The following CIT variants were observed in gnomAD, a reference collection of about 807,000 sequenced individuals.
CIT encodes the protein citron Rho-interacting kinase.
A neutral mutation model predicts 272.7 loss-of-function variants in CIT; 79 were observed. The observed-to-expected ratio is 0.29, with a 90% CI of 0.24 to 0.35. CIT has a LOEUF of 0.35. CIT is among the 10% of genes least tolerant of loss of function. CIT has a pLI of 1.00. For synonymous variants in CIT, 948 were observed against 995.6 expected, an observed-to-expected ratio of 0.95 and a Z score of 0.90; for missense variants, 1,909 against 2,618.3, an observed-to-expected ratio of 0.73 and a Z score of 5.91.
intron 21 of CIT, 59 bp downstream of exon 21, chr12:119,758,532 G>A: frequency 9.4e-7 from 1 of 1,058,876 alleles, no homozygotes; most frequent in Non-Finnish European, 1.5e-6. Context: ...GGGAGTTTAT[G>A]CCACAGGAGA....
At chr12:119,808,927 T>C (rs771310064) in intron 9 of CIT, among the ~76,000 whole-genome samples, 6 of 152,146 alleles carry the variant, frequency 3.9e-5, no homozygotes, top group Non-Finnish European at 8.8e-5. Flanking sequence ...GAGGAGAATA[T>C]GTGTGTTGTT....
Position 119,758,823 on chromosome 12 carries a change from A to G in CIT, c.2422-123T>C, listed in dbSNP as rs1180682014. ...TTGGCTAGAGGTAACAAGGCACTCA[A>G]CTAGTCTGTACTCTGAGGATCACAG... On this transcript the variant is annotated intron_variant, in intron 20 of 47. Transcript: ENST00000392521. 3 of 692,454 alleles carry G rather than the reference A, an allele frequency of 4.3e-6. No homozygotes were observed. The African/African-American group carries it at 5.3e-5, about 12-fold the overall frequency. The allele number at this position is 692,454 out of a possible 1,614,324, so 42.9% of individuals were successfully genotyped here.
At chr12:119,691,865 G>A (rs1955969776) in intron 46 of CIT, among the ~76,000 whole-genome samples, 1 of 152,100 alleles carries the variant, frequency 6.6e-6, no homozygotes, top group Non-Finnish European at 1.5e-5. Flanking sequence ...ATTTGTGCTT[G>A]GAAAAGGCCC....
At chr12:119,847,815 C>T (rs1969925317) in intron 5 of CIT, among the ~76,000 whole-genome samples, 1 of 152,138 alleles carries the variant, frequency 6.6e-6, no homozygotes, top group Admixed American at 6.5e-5. Context: ...CGCTTGAACC[C>T]AGGAGGTGGA....
intron 5 of CIT, among the ~76,000 whole-genome samples, chr12:119,845,802 G>A (rs1466167176): frequency 2.6e-5 from 4 of 150,978 alleles, no homozygotes; most frequent in Non-Finnish European, 3.0e-5. Context: ...ATACAAAAAT[G>A]AGCCGGGCGT....
At chr12:119,809,590 C>T (rs1281779499) in intron 9 of CIT, among the ~76,000 whole-genome samples, 2 of 152,200 alleles carry the variant, frequency 1.3e-5, no homozygotes, top group Non-Finnish European at 2.9e-5. Flanking sequence ...CTCCTCCAGC[C>T]CTCCTTTCAT....
intron 44 of CIT, 132 bp from the exon 45 acceptor site, chr12:119,698,186 A>G (rs973806747): frequency 1.3e-6 from 1 of 766,842 alleles, no homozygotes; most frequent in Admixed American, 2.0e-5. Flanking sequence ...ATACATATCT[A>G]TGCGCCAGAA....
intron 28 of CIT, among the ~76,000 whole-genome samples, chr12:119,724,464 CT>C (rs919205068): frequency 2.0e-4 from 30 of 152,040 alleles, no homozygotes; most frequent in African/African-American, 7.0e-4. Flanking sequence ...ATGAGAGTTG[CT>C]GAAAAATGGG....
At position 119,757,447 on chromosome 12, in the gene CIT, T is replaced by C. The variant is rs1961158160; in HGVS notation, c.2630A>G (p.Glu877Gly). ...KLEAQNRKLE[E>G]QLEKISHQDH... ...TTGGTGGCTGATCTTCTCCAGCTGC[T>C]CCTCCAGTTTTCGGTTCTGGGCCTC... The change falls in exon 22 of 48, where the codon GAG becomes GGG. Residue 877 changes from glutamate (E) to glycine (G), a missense_variant. Physicochemically the swap from Glu to Gly is moderately conservative, Grantham distance 98. Around this residue, in one of 8 missense-constraint regions of CIT, gnomAD observed 530 missense variants for 822.4 expected, o/e 0.64. Transcript: ENST00000392521. 2 of 1,614,062 alleles carry C rather than the reference T, an allele frequency of 1.2e-6. No homozygotes were observed. Among genetic ancestry groups the C allele is most frequent in the African/African-American group, 1.3e-5 (1 of 74,936 alleles).
intron 27 of CIT, among the ~76,000 whole-genome samples, chr12:119,730,218 C>T (rs997643175): frequency 6.6e-6 from 1 of 151,936 alleles, no homozygotes; most frequent in Non-Finnish European, 1.5e-5. Flanking sequence ...GAGAGTAGAA[C>T]ACCCAGATCA....
At chr12:119,765,375 A>AATATAATATATATTATAATATATATT (rs2137537076) in intron 19 of CIT, among the ~76,000 whole-genome samples, 1 of 145,836 alleles carries the variant, frequency 6.9e-6, no homozygotes, top group South Asian at 2.1e-4. Flanking sequence ...TATTATATAT[A>AATATAATATATATTATAATATATATT]ATATAATATA....
At chr12:119,771,041 A>G in intron 17 of CIT, 131 bp from the exon 18 acceptor site, 1 of 1,038,930 alleles carries the variant, frequency 9.6e-7, no homozygotes, top group Middle Eastern at 2.4e-4. Flanking sequence ...ACCCGAAGCA[A>G]CAGCAGAGAA....
chr12:119,699,755 C>T, intron 44 of CIT: 1 of 455,670 alleles, frequency 2.2e-6, no homozygotes, highest in South Asian at 1.6e-5. Flanking sequence ...CAGAACTGTC[C>T]AGTCAAGCCA....
intron 20 of CIT, among the ~76,000 whole-genome samples, chr12:119,760,398 G>C (rs1961615949): frequency 6.6e-6 from 1 of 151,964 alleles, no homozygotes; most frequent in Non-Finnish European, 1.5e-5. Flanking sequence ...AGACCAAGAT[G>C]GGAGGATTGC....
Position 119,784,062 on chromosome 12 carries a change from C to T in CIT, c.1402-11G>A. The T allele has an allele frequency of 1.9e-6, 3 of 1,612,466 alleles. No homozygotes were observed. Among genetic ancestry groups the T allele is most frequent in the Non-Finnish European group, 2.5e-6 (3 of 1,179,136 alleles). ...CATTTCCTGCTCCATCTGAAATAAA[C>T]ACATCGACAGGTTAAAAAGGCCCGT... On this transcript the variant is annotated splice_polypyrimidine_tract_variant and intron_variant, in intron 11 of 47. Coordinates refer to ENST00000392521, the MANE Select transcript of CIT (RefSeq NM_001206999.2). This position sits in a 1 kb window ranked among gnomAD's most constrained non-coding sequence, Gnocchi z 4.7.
In CIT at chr12:119,710,800, G is replaced by A. The variant is rs138710360; in HGVS notation, c.4855-180C>T. ...GATCTGAGCTCCAAATGCAAAATGCGAGTGCTATTGGTATCTCTGGGGCAG... is the reference window on the plus strand; with the variant it reads ...GATCTGAGCTCCAAATGCAAAATGCAAGTGCTATTGGTATCTCTGGGGCAG... On this transcript the variant is annotated intron_variant, in intron 37 of 47. Coordinates refer to ENST00000392521, the MANE Select transcript of CIT (RefSeq NM_001206999.2). This position sits in a 1 kb window ranked among gnomAD's most constrained non-coding sequence, Gnocchi z 5.6. 4.3e-4 allele frequency: 292 copies of A among 680,574 alleles called. 6 individuals carry two copies. The highest frequency in any genetic ancestry group is 4.1e-3 in the South Asian group (222 of 54,486). 42.2% of individuals were successfully genotyped at this position (680,574 alleles called of 1,614,324 possible).
At chr12:119,691,818 GCTCTAAA>G (rs939000441) in intron 46 of CIT, among the ~76,000 whole-genome samples, 1 of 152,220 alleles carries the variant, frequency 6.6e-6, no homozygotes, top group African/African-American at 2.4e-5. Context: ...CCCTTGATCA[GCTCTAAA>G]AGTACTAGGG....
At position 119,713,777 on chromosome 12, in the gene CIT, T is replaced by A; in HGVS notation, c.4307-129A>T. ...AGAGAGTCTGGCCCTGGCTTGCAGG[T>A]AGTCTCCTGAGCTTCCCCTGGTGCC... On this transcript the variant is annotated intron_variant, in intron 33 of 47. Transcript: ENST00000392521. The surrounding 1 kb of genome is among the most constrained non-coding windows in gnomAD (Gnocchi z 5.2). 1.0e-6 allele frequency: 1 copy of A among 972,142 alleles called. No homozygotes were observed. 60.2% of individuals were successfully genotyped at this position (972,142 alleles called of 1,614,324 possible).
rs1424393768 is a variant in CIT at position 119,713,080 on chromosome 12, T to C, written c.4579+123A>G. 1 of 746,198 alleles carries C rather than the reference T, an allele frequency of 1.3e-6. No individual in the cohort carries two copies. The highest frequency in any genetic ancestry group is 2.3e-5 in the Admixed American group (1 of 42,934). 46.2% of individuals were successfully genotyped at this position (746,198 alleles called of 1,614,324 possible). On this transcript the variant is annotated intron_variant, in intron 35 of 47. Transcript: ENST00000392521. The surrounding 1 kb of genome is among the most constrained non-coding windows in gnomAD (Gnocchi z 5.2). Reference sequence around the variant, plus strand: ...TTAGAGAAGTCATTTGGTTTGTAAGTTTCAAAAATGGAAAAGCGTAGAAGG... The same window carrying C: ...TTAGAGAAGTCATTTGGTTTGTAAGCTTCAAAAATGGAAAAGCGTAGAAGG...
Sources: allele counts gnomAD v4.1 joint callset (sites outside exome capture counted in the v4.1 genomes callset), GRCh38; gene constraint gnomAD v4.1.1; regional missense constraint gnomAD v4.1.1; non-coding constraint Gnocchi (gnomAD v3.1); transcripts MANE v1.5; gene names NCBI Gene and HGNC (gene_info 2026-07-23, HGNC 2026-07-21).